EPB41L4B: variants seen among roughly 807,000 people sequenced by gnomAD.
EPB41L4B encodes erythrocyte membrane protein band 4.1 like 4B.
In EPB41L4B, 30 loss-of-function variants were observed where a neutral mutation model predicts 112.5. That is an observed-to-expected ratio of 0.27 (90% CI 0.20 to 0.36). The LOEUF is 0.36. Ranked by LOEUF, EPB41L4B falls within the 10% of genes least tolerant of loss-of-function variation. EPB41L4B has a pLI of 1.00. For synonymous variants in EPB41L4B, 408 were observed against 439.7 expected (o/e 0.93, Z 0.90); for missense variants, 1,024 against 1,133.3 (o/e 0.90, Z 1.38).
chr9:109,236,080 A>C (rs1372406944), intron 15 of EPB41L4B, among the ~76,000 whole-genome samples: 1 of 152,182 alleles, frequency 6.6e-6, no homozygotes, highest in Non-Finnish European at 1.5e-5. Context: ...ATGTCTTGCC[A>C]TTTTACTTCT....
intron 15 of EPB41L4B, among the ~76,000 whole-genome samples, chr9:109,219,799 C>T (rs760823493): frequency 2.2e-4 from 33 of 152,106 alleles, no homozygotes; most frequent in Admixed American, 5.2e-4. Flanking sequence ...AAAACCTTTT[C>T]GTGGGCCCCT....
intron 15 of EPB41L4B, among the ~76,000 whole-genome samples, chr9:109,229,430 T>C (rs978132344): frequency 5.3e-5 from 8 of 152,188 alleles, no homozygotes; most frequent in Non-Finnish European, 1.0e-4. Flanking sequence ...CTATCCAAAG[T>C]CGCATACATC....
chr9:109,294,766 A>G (rs1588218822), intron 1 of EPB41L4B, among the ~76,000 whole-genome samples: 1 of 151,882 alleles, frequency 6.6e-6, no homozygotes, highest in African/African-American at 2.4e-5. Flanking sequence ...GTTGCCTGGG[A>G]CTTGCTTTAA....
intron 15 of EPB41L4B, chr9:109,240,307 C>A (rs908802552): frequency 3.0e-6 from 3 of 985,322 alleles, no homozygotes; most frequent in Non-Finnish European, 3.6e-6. Context: ...TAAACAAATG[C>A]CTTAGGGAGA....
intron 15 of EPB41L4B, among the ~76,000 whole-genome samples, chr9:109,228,872 A>G (rs1833866312): frequency 6.6e-6 from 1 of 152,238 alleles, no homozygotes; most frequent in South Asian, 2.1e-4. Context: ...GAGGCTCATA[A>G]AGCCTTTCTC....
At chr9:109,263,900 C>T (rs1027833036) in intron 5 of EPB41L4B, among the ~76,000 whole-genome samples, 1 of 152,154 alleles carries the variant, frequency 6.6e-6, no homozygotes, top group Admixed American at 6.5e-5. Context: ...CTTTTAAATA[C>T]AAAGCAGGCT....
chr9:109,246,896 A>G (rs1159866848), intron 14 of EPB41L4B, among the ~76,000 whole-genome samples: 1 of 152,258 alleles, frequency 6.6e-6, no homozygotes, highest in East Asian at 1.9e-4. Context: ...CAGGTTCTAG[A>G]AACCATGTAT....
chr9:109,257,718 G>A (rs1835034950), intron 7 of EPB41L4B, among the ~76,000 whole-genome samples: 1 of 152,158 alleles, frequency 6.6e-6, no homozygotes, highest in African/African-American at 2.4e-5. Context: ...CAGACGGCCA[G>A]GTGTGGTGGC....
chr9:109,316,946 A>T (rs1444037876), intron 1 of EPB41L4B, among the ~76,000 whole-genome samples: 3 of 152,062 alleles, frequency 2.0e-5, no homozygotes, highest in Non-Finnish European at 2.9e-5. Context: ...TATAAAAATA[A>T]TTTTTTTAAT....
chr9:109,176,713 A>G lies in EPB41L4B; in HGVS notation c.2488-17T>C. 1 of 1,613,158 alleles carries G rather than the reference A, an allele frequency of 6.2e-7. No homozygotes were observed. Among genetic ancestry groups the G allele is most frequent in the Non-Finnish European group, 8.5e-7 (1 of 1,179,730 alleles). Reference sequence around the variant, plus strand: ...GAAGTCTGCCTGGAGAAGAAACAGGAAAGAGGAGATCAATCTCAATTTGGG... The same window carrying G: ...GAAGTCTGCCTGGAGAAGAAACAGGGAAGAGGAGATCAATCTCAATTTGGG... On this transcript the variant is annotated splice_polypyrimidine_tract_variant and intron_variant, in intron 24 of 25. Transcript: ENST00000374566.
chr9:109,274,074 T>C (rs1183497861), intron 2 of EPB41L4B, among the ~76,000 whole-genome samples: 1 of 152,210 alleles, frequency 6.6e-6, no homozygotes, highest in Non-Finnish European at 1.5e-5. Flanking sequence ...TATGCAGCCC[T>C]GCGCCTCTCA....
intron 13 of EPB41L4B, among the ~76,000 whole-genome samples, chr9:109,248,150 C>T (rs1834632023): frequency 6.6e-6 from 1 of 152,230 alleles, no homozygotes; most frequent in South Asian, 2.1e-4. Flanking sequence ...TGGGAGACCT[C>T]ACAGCACCGG....
chr9:109,222,490 C>T (rs562140473), intron 15 of EPB41L4B, among the ~76,000 whole-genome samples: 41 of 152,278 alleles, frequency 2.7e-4, no homozygotes, highest in East Asian at 1.2e-3. Flanking sequence ...CACTAGGTTG[C>T]GCATCTTCCC....
intron 22 of EPB41L4B, among the ~76,000 whole-genome samples, chr9:109,191,275 A>C (rs1175939976): frequency 6.6e-6 from 1 of 152,212 alleles, no homozygotes; most frequent in East Asian, 1.9e-4. Context: ...GCCTGCATAC[A>C]TGCACTCATG....
intron 20 of EPB41L4B, among the ~76,000 whole-genome samples, chr9:109,195,583 C>T (rs1230200538): frequency 1.3e-5 from 2 of 152,204 alleles, no homozygotes; most frequent in African/African-American, 2.4e-5. Context: ...TTCACACCGA[C>T]CCTATTACCA....
intron 6 of EPB41L4B, among the ~76,000 whole-genome samples, chr9:109,260,449 C>A (rs2119047318): frequency 7.6e-6 from 1 of 130,946 alleles, no homozygotes; most frequent in Non-Finnish European, 1.6e-5. Context: ...GAGTCTCGCT[C>A]TGTCACCCAG....
At chr9:109,280,199 G>A (rs766100079) in intron 1 of EPB41L4B, among the ~76,000 whole-genome samples, 5 of 152,156 alleles carry the variant, frequency 3.3e-5, no homozygotes, top group African/African-American at 9.7e-5. Context: ...ATACCTACAT[G>A]GGAAGATAAG....
Position 109,277,805 on chromosome 9 carries a change from G to A in EPB41L4B, c.411+2012C>T, listed in dbSNP as rs147672019. On this transcript the variant is annotated intron_variant, in intron 2 of 25. Transcript: ENST00000374566. ...AGGGGACAAAGGGCAGAAGGAGACC[G>A]CTGTGGGCCAAGCCCAGAGGGAGGG... Among the ~76,000 whole-genome samples, 679 of 152,254 alleles carry A rather than the reference G, an allele frequency of 4.5e-3. 5 individuals are homozygous for A. Among genetic ancestry groups the A allele is most frequent in the African/African-American group, 0.015 (623 of 41,544 alleles).
At chr9:109,305,280 C>G (rs1382183823) in intron 1 of EPB41L4B, among the ~76,000 whole-genome samples, 2 of 151,916 alleles carry the variant, frequency 1.3e-5, no homozygotes, top group African/African-American at 2.4e-5. Flanking sequence ...TGAGACAGGC[C>G]CTGAAAGATG....
Sources: gnomAD v4.1 joint callset for allele counts (sites outside exome capture counted in the v4.1 genomes callset) on GRCh38, gnomAD v4.1.1 for gene constraint, MANE v1.5 for transcripts, NCBI Gene and HGNC (gene_info 2026-07-23, HGNC 2026-07-21) for gene names.